PPP1R17: variants seen among roughly 807,000 people sequenced by gnomAD.
PPP1R17 encodes the protein protein phosphatase 1 regulatory subunit 17.
In PPP1R17, 12 loss-of-function variants were observed where a neutral mutation model predicts 15.9. The ratio of observed to expected loss-of-function variants is 0.75; its 90% confidence interval spans 0.48 to 1.22. The LOEUF (loss-of-function observed/expected upper bound fraction) is 1.22, where lower values mean the gene tolerates loss of function less well. Among genes scored for constraint, PPP1R17 ranks in the 50% most tolerant of loss-of-function variants. The pLI is 0.00. For synonymous variants in PPP1R17, 63 were observed against 64.5 expected, an observed-to-expected ratio of 0.98 and a Z score of 0.11; for missense variants, 211 against 187.3, an observed-to-expected ratio of 1.13 and a Z score of -0.74.
At chr7:31,704,863 G>T (rs1417561315) in intron 4 of PPP1R17, among the ~76,000 whole-genome samples, 1 of 152,082 alleles carries the variant, frequency 6.6e-6, no homozygotes, top group Admixed American at 6.6e-5. Context: ...AAGCATGAGG[G>T]TCAGAAGGAG....
chr7:31,702,841 A>G (rs1013786277), intron 4 of PPP1R17, among the ~76,000 whole-genome samples: 1 of 152,214 alleles, frequency 6.6e-6, no homozygotes, highest in African/African-American at 2.4e-5. Flanking sequence ...GCAATACCTG[A>G]TGGAGACTGA....
chr7:31,689,711 A>C (rs764985225), intron 1 of PPP1R17, among the ~76,000 whole-genome samples: 6 of 152,114 alleles, frequency 3.9e-5, no homozygotes, highest in Non-Finnish European at 5.9e-5. Flanking sequence ...ACTAAACTCC[A>C]AATGTCTTTC....
At position 31,707,294 on chromosome 7, in the gene PPP1R17, CCTGAGACCA is replaced by C; in HGVS notation, c.*14_*22del. 1.2e-6 allele frequency: 2 copies of C among 1,607,686 alleles called. No homozygotes were observed. Among genetic ancestry groups the C allele is most frequent in the Non-Finnish European group, 1.7e-6 (2 of 1,174,596 alleles). On this transcript the variant is annotated 3_prime_UTR_variant, in exon 5 of 5. Coordinates refer to ENST00000342032, the MANE Select transcript of PPP1R17 (RefSeq NM_006658.5). ...AAGATAGCTATTTAAAGATAGTTCCCCTGAGACCACTTGTAAATAGGTTAGATTGGTTCC... is the reference window on the plus strand; with the variant it reads ...AAGATAGCTATTTAAAGATAGTTCCCCTTGTAAATAGGTTAGATTGGTTCC...
At chr7:31,691,442 G>A (rs1408603466) in intron 1 of PPP1R17, among the ~76,000 whole-genome samples, 1 of 152,126 alleles carries the variant, frequency 6.6e-6, no homozygotes, top group Non-Finnish European at 1.5e-5. Context: ...TAGGACATGA[G>A]TAATAAATTA....
At chr7:31,687,987 T>A (rs866065592) in intron 1 of PPP1R17, among the ~76,000 whole-genome samples, 2 of 152,238 alleles carry the variant, frequency 1.3e-5, no homozygotes, top group African/African-American at 2.4e-5. Flanking sequence ...GGTTGGTTTT[T>A]GTCTTGAACT....
chr7:31,707,021 ACCT>A (rs1351616807), intron 4 of PPP1R17, among the ~76,000 whole-genome samples, 180 bp from the exon 5 acceptor site: 1 of 152,112 alleles, frequency 6.6e-6, no homozygotes, highest in Admixed American at 6.5e-5. Context: ...CTCATTGAGC[ACCT>A]CTGGGAAGCC....
Position 31,692,526 on chromosome 7 carries a change from A to G in PPP1R17, c.82+3A>G. 1 of 1,590,932 alleles carries G rather than the reference A, an allele frequency of 6.3e-7. No homozygotes were observed. The highest frequency in any genetic ancestry group is 8.6e-7 in the Non-Finnish European group (1 of 1,159,036). On this transcript the variant is annotated splice_donor_region_variant and intron_variant, in intron 2 of 4. Coordinates refer to ENST00000342032, the MANE Select transcript of PPP1R17 (RefSeq NM_006658.5). ...AGACCCTCGTTGCAGCCACTTAGGT[A>G]AACAAATGATCGATTGTGAATGTCA...
chr7:31,690,720 C>T (rs144256092), intron 1 of PPP1R17, among the ~76,000 whole-genome samples: 7 of 152,172 alleles, frequency 4.6e-5, no homozygotes, highest in Admixed American at 1.3e-4. Context: ...TTTCAAGGGT[C>T]GGGGAGAAGG....
intron 3 of PPP1R17, 29 bp from the exon 4 acceptor site, chr7:31,696,936 T>C (rs1271447609): frequency 1.2e-6 from 2 of 1,609,606 alleles, no homozygotes; most frequent in Non-Finnish European, 1.7e-6. Context: ...TTTGATCCTG[T>C]TTCTCTCTGT....
intron 1 of PPP1R17, among the ~76,000 whole-genome samples, chr7:31,692,201 T>C (rs1308163293): frequency 2.0e-5 from 3 of 152,174 alleles, no homozygotes; most frequent in South Asian, 2.1e-4. Context: ...AATCTGTCAG[T>C]GTGAGGGTGG....
In PPP1R17 at chr7:31,707,696, C is replaced by T; in HGVS notation, c.*413C>T. On this transcript the variant is annotated 3_prime_UTR_variant, in exon 5 of 5. Transcript: ENST00000342032. Reference sequence around the variant, plus strand: ...CCAAGCACCAGTCCAAGTGGGGTTCCCTGTTGCCAGTTAGAGAGGTGAGAA... The same window carrying T: ...CCAAGCACCAGTCCAAGTGGGGTTCTCTGTTGCCAGTTAGAGAGGTGAGAA... The T allele has an allele frequency of 5.9e-6, 1 of 168,228 alleles. No individual in the cohort carries two copies. Among genetic ancestry groups the T allele is most frequent in the South Asian group, 1.6e-4 (1 of 6,210 alleles). 10.4% of individuals were successfully genotyped at this position (168,228 alleles called of 1,614,324 possible).
Position 31,707,908 on chromosome 7 carries a change from G to C in PPP1R17, c.*625G>C, listed in dbSNP as rs1325106809. 6.6e-6 allele frequency: 1 copy of C among 152,264 alleles called. No homozygotes were observed. Among genetic ancestry groups the C allele is most frequent in the Non-Finnish European group, 1.5e-5 (1 of 68,078 alleles). 9.4% of individuals were successfully genotyped at this position (152,264 alleles called of 1,614,324 possible). On this transcript the variant is annotated 3_prime_UTR_variant, in exon 5 of 5. Transcript: ENST00000342032. ...GCCTTGGCTGATGATACCAGAGGCA[G>C]AGAGTGCTGGTCTGTCTGGGAAGCT...
intron 4 of PPP1R17, among the ~76,000 whole-genome samples, chr7:31,703,342 A>G (rs1190041613): frequency 6.6e-6 from 1 of 152,220 alleles, no homozygotes; most frequent in African/African-American, 2.4e-5. Context: ...TTTACCTGGC[A>G]TGAGTGCTGC....
intron 4 of PPP1R17, among the ~76,000 whole-genome samples, chr7:31,705,919 G>C (rs1793046747): frequency 1.3e-5 from 2 of 150,558 alleles, no homozygotes; most frequent in Admixed American, 6.6e-5. Context: ...GCCCTTCTTG[G>C]CTGGTCCTTT....
chr7:31,696,878 C>A, intron 3 of PPP1R17, 87 bp from the exon 4 acceptor site: 3 of 1,428,444 alleles, frequency 2.1e-6, no homozygotes, highest in Non-Finnish European at 2.9e-6. Context: ...ACTGTCTTCA[C>A]CAGATGTCTA....
intron 1 of PPP1R17, among the ~76,000 whole-genome samples, chr7:31,689,371 T>G (rs770934493): frequency 1.3e-5 from 2 of 152,178 alleles, no homozygotes; most frequent in African/African-American, 2.4e-5. Flanking sequence ...GAGGACCAAC[T>G]ATGCAGGCAT....
chr7:31,707,582 C>G lies in PPP1R17; in HGVS notation c.*299C>G. ...AAGCACTGGGGTTCGGTTTCTGCAT[C>G]TTCTGGATCAATTCACGGAACAGAG... On this transcript the variant is annotated 3_prime_UTR_variant, in exon 5 of 5. Coordinates refer to ENST00000342032, the MANE Select transcript of PPP1R17 (RefSeq NM_006658.5). The G allele has an allele frequency of 3.1e-6, 1 of 317,870 alleles. No homozygotes were observed. The highest frequency in any genetic ancestry group is 2.1e-5 in the African/African-American group (1 of 46,650). The allele number at this position is 317,870 out of a possible 1,614,324, so 19.7% of individuals were successfully genotyped here.
chr7:31,692,643 T>C, intron 2 of PPP1R17, 120 bp downstream of exon 2: 1 of 877,854 alleles, frequency 1.1e-6, no homozygotes, highest in Non-Finnish European at 1.8e-6. Context: ...GTCTGTGCCT[T>C]CTGGTGACAG....
At chr7:31,691,426 C>CTA (rs1792336713) in intron 1 of PPP1R17, among the ~76,000 whole-genome samples, 1 of 152,158 alleles carries the variant, frequency 6.6e-6, no homozygotes, top group South Asian at 2.1e-4. Context: ...ACCACTCTTG[C>CTA]TATAGTAGGA....
Sources: allele counts gnomAD v4.1 joint callset (sites outside exome capture counted in the v4.1 genomes callset), GRCh38; gene constraint gnomAD v4.1.1; transcripts MANE v1.5; gene names NCBI Gene and HGNC (gene_info 2026-07-23, HGNC 2026-07-21).